Variants in IRAK1BP1 observed in about 807,000 individuals in gnomAD.
The protein encoded by IRAK1BP1 is interleukin 1 receptor associated kinase 1 binding protein 1.
In IRAK1BP1, 24 loss-of-function variants were observed where a neutral mutation model predicts 28.0. The ratio of observed to expected loss-of-function variants is 0.86; its 90% CI spans 0.62 to 1.20. The LOEUF is 1.20. Ranked by LOEUF, IRAK1BP1 falls within the 50% of genes most tolerant of loss-of-function variation. The pLI, the probability that IRAK1BP1 is intolerant of heterozygous loss-of-function variation, is 0.00. For synonymous variants in IRAK1BP1, 131 were observed against 116.3 expected (o/e 1.13, Z -0.81); for missense variants, 336 against 316.7 (o/e 1.06, Z -0.46).
At chr6:78,946,744 C>CT, downstream of IRAK1BP1, 1 of 1,587,922 alleles carries the variant, frequency 6.3e-7, no homozygotes. Context: ...AGAGCTGCTT[C>CT]TGTTTCTTTT....
chr6:78,957,930 G>A, the IRAK1BP1 span: 2 of 152,008 alleles, frequency 1.3e-5, no homozygotes, highest in East Asian at 3.8e-4. Flanking sequence ...TCAGTCTCCT[G>A]CTGGACTATT....
intron 4 of IRAK1BP1, among the ~76,000 whole-genome samples, chr6:78,919,092 T>G (rs996009046): frequency 3.9e-5 from 6 of 152,192 alleles, no homozygotes; most frequent in Non-Finnish European, 8.8e-5. Context: ...CAACTTGTTC[T>G]TAGACTTTCA....
chr6:78,888,237 A>G (rs1314560256), intron 2 of IRAK1BP1, among the ~76,000 whole-genome samples: 1 of 152,186 alleles, frequency 6.6e-6, no homozygotes, highest in Admixed American at 6.5e-5. Flanking sequence ...GTATAAAGTT[A>G]CAGTTATGCA....
the IRAK1BP1 span, chr6:78,955,139 T>G: frequency 1.1e-6 from 1 of 926,424 alleles, no homozygotes; most frequent in Non-Finnish European, 1.6e-6. Context: ...ATACTTAATG[T>G]CTTTTAAAAT....
At chr6:78,972,241 C>A in the IRAK1BP1 span, among the ~76,000 whole-genome samples, 2 of 152,208 alleles carry the variant, frequency 1.3e-5, no homozygotes, top group African/African-American at 2.4e-5. Flanking sequence ...AGCAGCCTAA[C>A]TGGGAGGCAC....
rs1406640457 is a variant in IRAK1BP1 at position 78,898,431 on chromosome 6, T to G, written c.*97T>G. ...TCCTGAATATATATATATATATATA[T>G]ATATATATATATATGGTATAGGAGA... On this transcript the variant is annotated 3_prime_UTR_variant, in exon 4 of 4. Transcript: ENST00000369940. The G allele has an allele frequency of 6.1e-6, 1 of 164,236 alleles. No individual in the cohort carries two copies. The highest frequency in any genetic ancestry group is 6.9e-5 in the Admixed American group (1 of 14,402). 10.2% of individuals were successfully genotyped at this position (164,236 alleles called of 1,614,324 possible).
intron 2 of IRAK1BP1, among the ~76,000 whole-genome samples, chr6:78,897,605 G>GT (rs1178852387): frequency 1.4e-4 from 21 of 152,154 alleles, no homozygotes; most frequent in Middle Eastern, 3.4e-3. Context: ...TAAAATATAA[G>GT]TTTTTTAATA....
intron 4 of IRAK1BP1, among the ~76,000 whole-genome samples, chr6:78,925,998 G>C (rs1206535286): frequency 1.3e-5 from 2 of 151,986 alleles, no homozygotes; most frequent in African/African-American, 4.8e-5. Flanking sequence ...TTAAACATGG[G>C]CACAAAGAAG....
chr6:78,975,626 C>T, the IRAK1BP1 span, among the ~76,000 whole-genome samples: 1 of 152,134 alleles, frequency 6.6e-6, no homozygotes. Context: ...TAGAAAACCC[C>T]ACTGTCTCAG....
At position 78,901,663 on chromosome 6, in the gene IRAK1BP1, C is replaced by A. The variant is rs1466068687; in HGVS notation, c.*3329C>A. 1 of 152,008 alleles carries A rather than the reference C, an allele frequency of 6.6e-6. No homozygotes were observed. The highest frequency in any genetic ancestry group is 1.5e-5 in the Non-Finnish European group (1 of 67,966). 9.4% of individuals were successfully genotyped at this position (152,008 alleles called of 1,614,324 possible). A position where few individuals can be genotyped will look rare whatever the true frequency, so the allele number is the denominator to read the frequency against. On this transcript the variant is annotated 3_prime_UTR_variant, in exon 4 of 4. Transcript: ENST00000369940. ...ATGGAAGTGCTATTAAAAGGAAATG[C>A]TATTAAAATAAGATTTCATATATTA...
the IRAK1BP1 span, among the ~76,000 whole-genome samples, chr6:78,968,505 T>A: frequency 6.6e-6 from 1 of 152,318 alleles, no homozygotes; most frequent in East Asian, 1.9e-4. Context: ...TTCCGTAGGA[T>A]CAATTCTGGA....
chr6:78,893,267 A>C (rs1771730618), intron 2 of IRAK1BP1, among the ~76,000 whole-genome samples: 1 of 144,810 alleles, frequency 6.9e-6, no homozygotes, highest in Non-Finnish European at 1.5e-5. Flanking sequence ...TTAAAACTAA[A>C]AGGTGTATAT....
At chr6:78,978,573 T>C in the IRAK1BP1 span, 1 of 1,557,522 alleles carries the variant, frequency 6.4e-7, no homozygotes, top group East Asian at 2.3e-5. Context: ...AAATGGATAA[T>C]TTAAAACTTT....
chr6:78,891,911 T>C (rs1771678226), intron 2 of IRAK1BP1, among the ~76,000 whole-genome samples: 1 of 152,224 alleles, frequency 6.6e-6, no homozygotes, highest in Admixed American at 6.5e-5. Context: ...GCATTTTCCA[T>C]ATATTATTCC....
chr6:78,875,376 C>T (rs1359781929), intron 1 of IRAK1BP1, among the ~76,000 whole-genome samples: 1 of 152,050 alleles, frequency 6.6e-6, no homozygotes, highest in Non-Finnish European at 1.5e-5. Context: ...AATCTCTTTG[C>T]CGGGCCTATA....
chr6:78,920,939 A>G (rs1162880286), intron 4 of IRAK1BP1, among the ~76,000 whole-genome samples: 1 of 152,174 alleles, frequency 6.6e-6, no homozygotes, highest in Non-Finnish European at 1.5e-5. Flanking sequence ...CAAATCCACA[A>G]GCAAGTGAAG....
chr6:78,880,912 C>T (rs924865247), intron 1 of IRAK1BP1, among the ~76,000 whole-genome samples: 22 of 152,240 alleles, frequency 1.4e-4, no homozygotes, highest in African/African-American at 4.8e-4. Context: ...CAGGAATTCT[C>T]GTTCATTGCT....
At chr6:78,904,013 G>A (rs1772193200), downstream of IRAK1BP1, among the ~76,000 whole-genome samples, 1 of 152,134 alleles carries the variant, frequency 6.6e-6, no homozygotes. Context: ...GGTAATAAAA[G>A]GCTAAGGAGG....
intron 2 of IRAK1BP1, among the ~76,000 whole-genome samples, chr6:78,893,322 A>G (rs955108647): frequency 0.046 from 2,783 of 60,754 alleles, 78 homozygotes; most frequent in African/African-American, 0.14. Flanking sequence ...GTGTATATAT[A>G]TATATATATA....
Sources: allele counts gnomAD v4.1 joint callset (sites outside exome capture counted in the v4.1 genomes callset), GRCh38; gene constraint gnomAD v4.1.1; transcripts MANE v1.5; gene names NCBI Gene and HGNC (gene_info 2026-07-23, HGNC 2026-07-21).